Variants in KDR observed in about 807,000 individuals in gnomAD.
KDR encodes the protein kinase insert domain receptor.
A neutral mutation model predicts 160.9 loss-of-function variants in KDR; 43 were observed. The ratio of observed to expected loss-of-function variants is 0.27; its 90% confidence interval spans 0.21 to 0.34. The LOEUF is 0.34. Among genes scored for constraint, KDR ranks in the 10% least tolerant of loss-of-function variants. The pLI is 1.00. For synonymous variants in KDR, 617 were observed against 600.1 expected, an observed-to-expected ratio of 1.03 and a Z score of -0.41; for missense variants, 1,469 against 1,666.4, an observed-to-expected ratio of 0.88 and a Z score of 2.06.
At position 55,089,239 on chromosome 4, in the gene KDR, T is replaced by G. The variant is rs1578128011; in HGVS notation, c.3404+135A>C. 7 of 714,382 alleles carry G rather than the reference T, an allele frequency of 9.8e-6. No individual in the cohort carries two copies. In the Admixed American group the frequency reaches 1.6e-4, roughly 17 times the overall value. The allele number at this position is 714,382 out of a possible 1,614,324, so 44.3% of individuals were successfully genotyped here. A position where few individuals can be genotyped will look rare whatever the true frequency, so the allele number is the denominator to read the frequency against. Reference sequence around the variant, plus strand: ...GAAGTGATGACTCCATGCTTGAAATTATCAAGAAAGGCCCCAAAGTAAAAG... The same window carrying G: ...GAAGTGATGACTCCATGCTTGAAATGATCAAGAAAGGCCCCAAAGTAAAAG... On this transcript the variant is annotated intron_variant, in intron 25 of 29. Coordinates refer to ENST00000263923, the MANE Select transcript of KDR (RefSeq NM_002253.4).
chr4:55,125,377 G>T lies in KDR; in HGVS notation c.-84C>A. The T allele has an allele frequency of 6.7e-7, 1 of 1,491,234 alleles. No homozygotes were observed. The highest frequency in any genetic ancestry group is 9.1e-7 in the Non-Finnish European group (1 of 1,099,770). The allele number at this position is 1,491,234 out of a possible 1,614,324, so 92.4% of individuals were successfully genotyped here. A position where few individuals can be genotyped will look rare whatever the true frequency, so the allele number is the denominator to read the frequency against. On this transcript the variant is annotated 5_prime_UTR_variant, in exon 1 of 30. Transcript: ENST00000263923. ...GCCTGTCTAGAGAAGGAGGCGCGGAGGTGGAACTCGCGGCACCCCGCAGCG... is the reference window on the plus strand; with the variant it reads ...GCCTGTCTAGAGAAGGAGGCGCGGATGTGGAACTCGCGGCACCCCGCAGCG...
intron 3 of KDR, among the ~76,000 whole-genome samples, chr4:55,116,261 ACAAAAAATTAGC>A (rs1211127174): frequency 6.6e-6 from 1 of 152,006 alleles, no homozygotes; most frequent in Non-Finnish European, 1.5e-5. Flanking sequence ...TACGAAAAAT[ACAAAAAATTAGC>A]CAGGCATGAT....
intron 9 of KDR, among the ~76,000 whole-genome samples, chr4:55,109,260 T>A (rs1404088323): frequency 6.6e-6 from 1 of 152,074 alleles, no homozygotes; most frequent in Admixed American, 6.6e-5. Flanking sequence ...TTTTTATATT[T>A]TTAGTAGAGA....
rs955755902 is a variant in KDR at position 55,078,979 on chromosome 4, T to A, written c.*962A>T. ...AAAAGGGTAAAATCCTTCCTGAAAC[T>A]TTGACACCACACACAGCTTCACATT... On this transcript the variant is annotated 3_prime_UTR_variant, in exon 30 of 30. Coordinates refer to ENST00000263923, the MANE Select transcript of KDR (RefSeq NM_002253.4). The A allele has an allele frequency of 8.6e-6, 2 of 233,132 alleles. No homozygotes were observed. The highest frequency in any genetic ancestry group is 1.7e-5 in the Non-Finnish European group (2 of 118,066). The allele number at this position is 233,132 out of a possible 1,614,324, so 14.4% of individuals were successfully genotyped here.
At chr4:55,116,154 C>T (rs778640155) in intron 3 of KDR, among the ~76,000 whole-genome samples, 6 of 152,178 alleles carry the variant, frequency 3.9e-5, no homozygotes, top group South Asian at 2.1e-4. Context: ...TCTTGGCTCA[C>T]GCCTGTAATC....
chr4:55,115,817 C>T (rs867256431), intron 3 of KDR, among the ~76,000 whole-genome samples: 1 of 151,902 alleles, frequency 6.6e-6, no homozygotes, highest in South Asian at 2.1e-4. Flanking sequence ...TACACTTTAC[C>T]GACAAGTTTT....
At chr4:55,111,607 C>T (rs1202448130) in intron 7 of KDR, among the ~76,000 whole-genome samples, 1 of 152,156 alleles carries the variant, frequency 6.6e-6, no homozygotes, top group African/African-American at 2.4e-5. Context: ...CTTATTTCTG[C>T]CCCTATTTCC....
rs1303988752 is a variant in KDR, at chr4:55,125,534, CGCA to C, written c.-244_-242del. 1.2e-5 allele frequency: 7 copies of C among 602,008 alleles called. No individual in the cohort carries two copies. The highest frequency in any genetic ancestry group is 1.9e-5 in the African/African-American group (1 of 53,818). 37.3% of individuals were successfully genotyped at this position (602,008 alleles called of 1,614,324 possible). On this transcript the variant is annotated 5_prime_UTR_variant, in exon 1 of 30. Transcript: ENST00000263923. ...TCTGCGGCGCGCAAGTGATGCCCGGCGCAGGCAGAGGAAACGCAGCGACCACAC... is the reference window on the plus strand; with the variant it reads ...TCTGCGGCGCGCAAGTGATGCCCGGCGGCAGAGGAAACGCAGCGACCACAC...
In KDR at chr4:55,111,409, G is replaced by A. The variant is rs536178765; in HGVS notation, c.977-641C>T. Among the ~76,000 whole-genome samples the A allele has an allele frequency of 4.1e-4, 62 of 152,154 alleles. 1 individual carries two copies. The highest frequency in any genetic ancestry group is 2.4e-3 in the Admixed American group (37 of 15,280). On this transcript the variant is annotated intron_variant, in intron 7 of 29. Transcript: ENST00000263923. Reference sequence around the variant, plus strand: ...TACTCAGTTGCTCATGCTAACGCTCGAGTCATCTTCCACTCTTTTTCTCTT... The same window carrying A: ...TACTCAGTTGCTCATGCTAACGCTCAAGTCATCTTCCACTCTTTTTCTCTT...
chr4:55,123,067 A>G (rs1024927596), intron 1 of KDR: 1 of 152,202 alleles, frequency 6.6e-6, no homozygotes, highest in Non-Finnish European at 1.5e-5. Context: ...CACTGCACCC[A>G]GCCTGCACAG....
chr4:55,100,883 T>G (rs1452660304), intron 15 of KDR, among the ~76,000 whole-genome samples: 1 of 152,144 alleles, frequency 6.6e-6, no homozygotes, highest in African/African-American at 2.4e-5. Context: ...CACAGTTTTA[T>G]TCTTTCCCTG....
At chr4:55,110,089 G>A (rs76469697) in intron 9 of KDR, among the ~76,000 whole-genome samples, 3,235 of 152,206 alleles carry the variant, frequency 0.021, 124 homozygotes, top group African/African-American at 0.074. Context: ...AGGGGAACAT[G>A]GTAGTATAAC....
At position 55,092,502 on chromosome 4, in the gene KDR, G is replaced by A. The variant is rs112481220; in HGVS notation, c.3069+115C>T. 124 of 777,916 alleles carry A rather than the reference G, an allele frequency of 1.6e-4. No homozygotes were observed. The African/African-American group carries it at 1.7e-3, about 11-fold the overall frequency. 48.2% of individuals were successfully genotyped at this position (777,916 alleles called of 1,614,324 possible). A position where few individuals can be genotyped will look rare whatever the true frequency, so the allele number is the denominator to read the frequency against. On this transcript the variant is annotated intron_variant, in intron 22 of 29. Transcript: ENST00000263923. ...CCCCAGTAGAGCTCTTCTAAAAGAC[G>A]TAGAAGTGGTGAATGAATTACAATC...
chr4:55,122,824 C>T (rs549853416), intron 1 of KDR: 101 of 152,100 alleles, frequency 6.6e-4, no homozygotes, highest in African/African-American at 2.4e-3. Flanking sequence ...TTTTAACAAG[C>T]ATTTCAAATT....
chr4:55,107,866 A>G lies in KDR; in HGVS notation c.1283T>C (p.Leu428Pro). 1 of 1,613,988 alleles carries G rather than the reference A, an allele frequency of 6.2e-7. No individual in the cohort carries two copies. Among genetic ancestry groups the G allele is most frequent in the Non-Finnish European group, 8.5e-7 (1 of 1,179,882 alleles). Residue 428 changes from leucine to proline, a missense_variant, in exon 10 of 30, where the codon CTA becomes CCA. Coordinates refer to ENST00000263923, the MANE Select transcript of KDR (RefSeq NM_002253.4). ...CTGGTAGGAATCCACAGGAGAGATT[A>G]GAGATTTCTCACCAATCTGGGGTGG... ...YVPPQIGEKS[L>P]ISPVDSYQYG...
intron 6 of KDR, 34 bp from the exon 7 acceptor site, chr4:55,113,515 C>T (rs1720651139): frequency 6.3e-7 from 1 of 1,580,704 alleles, no homozygotes; most frequent in East Asian, 2.2e-5. Context: ...TTCCAAAGCA[C>T]AGCATATAAC....
intron 27 of KDR, 95 bp downstream of exon 27, chr4:55,087,512 A>G: frequency 2.7e-6 from 3 of 1,111,122 alleles, no homozygotes; most frequent in Non-Finnish European, 2.7e-6. Context: ...GGGATGCAAC[A>G]GCCTTAGACA....
rs1139774 is a variant in KDR at position 55,098,711 on chromosome 4, G to A, written c.2359C>T (p.Arg787Trp). The change falls in exon 16 of 30, where the codon CGG (arginine) becomes TGG (tryptophan). Residue 787 changes from arginine to tryptophan, a missense_variant. Physicochemically the swap from Arg to Trp is moderately radical, Grantham distance 101. Transcript: ENST00000263923. Reference sequence around the variant, plus strand: ...TATTTTTTTACCCGCTTAACGGTCCGTAGGATGATGACAAGAAGTAGCCAG... The same window carrying A: ...TATTTTTTTACCCGCTTAACGGTCCATAGGATGATGACAAGAAGTAGCCAG... Reference protein sequence around the residue: ...FFWLLLVIILRTVKRANGGEL... With the variant: ...FFWLLLVIILWTVKRANGGEL... 2.9e-5 allele frequency: 47 copies of A among 1,611,834 alleles called. 1 individual carries two copies. Among genetic ancestry groups the A allele is most frequent in the Admixed American group, 2.2e-4 (13 of 59,960 alleles).
chr4:55,098,840 A>C, intron 15 of KDR, 37 bp from the exon 16 acceptor site: 1 of 1,462,026 alleles, frequency 6.8e-7, no homozygotes, highest in Non-Finnish European at 9.6e-7. Flanking sequence ...CAACAGTTGG[A>C]AACTTATACT....
Sources: gnomAD v4.1 joint callset for allele counts (sites outside exome capture counted in the v4.1 genomes callset) on GRCh38, gnomAD v4.1.1 for gene constraint, MANE v1.5 for transcripts, NCBI Gene and HGNC (gene_info 2026-07-23, HGNC 2026-07-21) for gene names.